Variants in ZNF407 observed in about 807,000 individuals in gnomAD.
ZNF407 encodes zinc finger protein 407.
In ZNF407, 17 loss-of-function variants were observed where a neutral mutation model predicts 131.2. That is an observed-to-expected ratio of 0.13 (90% CI 0.09 to 0.19). The LOEUF is 0.19. Among genes scored for constraint, ZNF407 ranks in the 10% least tolerant of loss-of-function variants. The probability of loss-of-function intolerance (pLI) is 1.00; values close to 1 mark genes in which losing one functional copy is unlikely to be tolerated. For missense variants in ZNF407, 2,681 were observed against 2,830.6 expected (o/e 0.95, Z 1.20); for synonymous variants, 1,156 against 1,062.0 (o/e 1.09, Z -1.72).
intron 8 of ZNF407, among the ~76,000 whole-genome samples, chr18:75,026,685 T>A (rs17056187): frequency 0.043 from 6,491 of 152,324 alleles, 269 homozygotes; most frequent in African/African-American, 0.11. Flanking sequence ...TCTGCTACTG[T>A]TGTTTCCAAA....
At chr18:75,049,850 T>A (rs1281772920) in intron 8 of ZNF407, among the ~76,000 whole-genome samples, 2 of 152,364 alleles carry the variant, frequency 1.3e-5, no homozygotes, top group Admixed American at 6.5e-5. Flanking sequence ...AGCTTCAACA[T>A]GACACCCTAA....
At chr18:74,966,726 T>C (rs1341498357) in intron 8 of ZNF407, among the ~76,000 whole-genome samples, 1 of 152,200 alleles carries the variant, frequency 6.6e-6, no homozygotes, top group African/African-American at 2.4e-5. Context: ...AGAGATTGCA[T>C]AGAATCTGTA....
intron 1 of ZNF407, among the ~76,000 whole-genome samples, chr18:74,627,223 G>A (rs1343948178): frequency 6.6e-6 from 1 of 152,064 alleles, no homozygotes; most frequent in Non-Finnish European, 1.5e-5. Flanking sequence ...CAGCTGCCCT[G>A]GGTTGGACAA....
chr18:75,050,365 A>C (rs1973486108), intron 8 of ZNF407, among the ~76,000 whole-genome samples: 1 of 152,242 alleles, frequency 6.6e-6, no homozygotes, highest in African/African-American at 2.4e-5. Context: ...ACTGTCTAGA[A>C]TTATGAAAAG....
intron 8 of ZNF407, among the ~76,000 whole-genome samples, chr18:74,974,691 G>A (rs964752458): frequency 1.3e-5 from 2 of 152,076 alleles, no homozygotes; most frequent in Non-Finnish European, 2.9e-5. Flanking sequence ...GGAAGTTGGG[G>A]GATGGGGCAT....
chr18:74,901,651 T>C (rs1054822213), intron 7 of ZNF407, among the ~76,000 whole-genome samples: 3 of 147,530 alleles, frequency 2.0e-5, no homozygotes, highest in African/African-American at 7.6e-5. Flanking sequence ...CTAAGAAATA[T>C]ATGGACAATA....
At chr18:74,915,681 G>C (rs1323418627) in intron 7 of ZNF407, among the ~76,000 whole-genome samples, 10 of 57,512 alleles carry the variant, frequency 1.7e-4, no homozygotes, top group Middle Eastern at 0.017. Context: ...ATGCAGCATT[G>C]GTTCGAATCG....
chr18:74,619,653 C>T (rs1188889480), intron 1 of ZNF407, among the ~76,000 whole-genome samples: 11 of 151,914 alleles, frequency 7.2e-5, no homozygotes, highest in African/African-American at 1.2e-4. Flanking sequence ...GTGAATAGAC[C>T]GTTTAAACTA....
intron 1 of ZNF407, among the ~76,000 whole-genome samples, chr18:74,621,283 A>G (rs1242170125): frequency 6.6e-6 from 1 of 152,130 alleles, no homozygotes; most frequent in African/African-American, 2.4e-5. Flanking sequence ...CTATTGCTAC[A>G]TAACAAATTT....
At chr18:74,858,080 C>T (rs1469941910) in intron 4 of ZNF407, among the ~76,000 whole-genome samples, 1 of 143,902 alleles carries the variant, frequency 6.9e-6, no homozygotes. Flanking sequence ...TCCTACTTCC[C>T]CTCCTTTCCT....
intron 8 of ZNF407, among the ~76,000 whole-genome samples, chr18:75,015,795 T>G (rs1973037295): frequency 6.6e-6 from 1 of 151,896 alleles, no homozygotes. Flanking sequence ...TTACTGGAAT[T>G]TCACATTTAG....
At position 74,955,629 on chromosome 18, in the gene ZNF407, C is replaced by T. The variant is rs192756115; in HGVS notation, c.5428+34937C>T. 6.6e-5 allele frequency among the ~76,000 whole-genome samples: 10 copies of T among 152,240 alleles called. No individual in the cohort carries two copies. In the East Asian group the frequency reaches 1.7e-3, roughly 26 times the overall value. ...GTAAGGAGAAATAAAAGGTTAAGTC[C>T]TGTTGGCAAAAATTTCAATGAAATA... On this transcript the variant is annotated intron_variant, in intron 8 of 8. Transcript: ENST00000299687.
chr18:74,882,653 G>A (rs1370241913), intron 6 of ZNF407, among the ~76,000 whole-genome samples: 4 of 152,106 alleles, frequency 2.6e-5, no homozygotes, highest in Non-Finnish European at 5.9e-5. Context: ...TTAGCACAAT[G>A]TTGGAAACAT....
At chr18:75,060,974 C>T (rs1355242174) in intron 8 of ZNF407, among the ~76,000 whole-genome samples, 3 of 152,186 alleles carry the variant, frequency 2.0e-5, no homozygotes, top group Admixed American at 1.3e-4. Context: ...CCTTGGTAAA[C>T]GTGATTTAAC....
chr18:74,908,073 A>T (rs577297420), intron 7 of ZNF407, among the ~76,000 whole-genome samples: 4 of 152,200 alleles, frequency 2.6e-5, no homozygotes, highest in African/African-American at 9.6e-5. Flanking sequence ...TTTTAAAAAA[A>T]TTAATCAATG....
intron 4 of ZNF407, among the ~76,000 whole-genome samples, chr18:74,875,312 C>T (rs1416032520): frequency 2.0e-5 from 3 of 152,180 alleles, no homozygotes; most frequent in African/African-American, 4.8e-5. Flanking sequence ...TGTCATTTCA[C>T]GACAGGCACA....
At chr18:74,665,228 C>G (rs1421895026) in intron 3 of ZNF407, among the ~76,000 whole-genome samples, 1 of 152,172 alleles carries the variant, frequency 6.6e-6, no homozygotes, top group African/African-American at 2.4e-5. Flanking sequence ...TTTCTAGCTC[C>G]CATAAAATAA....
intron 1 of ZNF407, among the ~76,000 whole-genome samples, chr18:74,610,268 C>G (rs559206742): frequency 4.8e-4 from 73 of 152,312 alleles, no homozygotes; most frequent in African/African-American, 1.6e-3. Context: ...TAACAGTATT[C>G]AAGTAGATGG....
chr18:74,717,005 G>T (rs1323903088), intron 3 of ZNF407, among the ~76,000 whole-genome samples: 2 of 152,096 alleles, frequency 1.3e-5, no homozygotes, highest in South Asian at 2.1e-4. Flanking sequence ...GAGAGAGTGT[G>T]GTATAGTATG....
Sources: allele counts gnomAD v4.1 joint callset (sites outside exome capture counted in the v4.1 genomes callset), GRCh38; gene constraint gnomAD v4.1.1; transcripts MANE v1.5; gene names NCBI Gene and HGNC (gene_info 2026-07-23, HGNC 2026-07-21).